Variants in NKX2-2 observed in about 807,000 individuals in gnomAD.
The protein encoded by NKX2-2 is homeobox protein Nkx-2.2.
A neutral mutation model predicts 24.6 loss-of-function variants in NKX2-2; 8 were observed. The observed-to-expected ratio is 0.32, with a 90% CI of 0.19 to 0.59. The LOEUF (loss-of-function observed/expected upper bound fraction) is 0.59, where lower values mean the gene tolerates loss of function less well. NKX2-2 is among the 20% of genes least tolerant of loss of function. The pLI is 0.86. For missense variants in NKX2-2, 381 were observed against 373.9 expected, an observed-to-expected ratio of 1.02 and a Z score of -0.16; for synonymous variants, 217 against 173.3, an observed-to-expected ratio of 1.25 and a Z score of -1.98.
At chr20:21,519,521 A>T in the NKX2-2 span, among the ~76,000 whole-genome samples, 1 of 152,088 alleles carries the variant, frequency 6.6e-6, no homozygotes, top group South Asian at 2.1e-4. Flanking sequence ...GGAAAATGTC[A>T]CCCAATCTGG....
intron 1 of NKX2-2, among the ~76,000 whole-genome samples, 173 bp from the exon 2 acceptor site, chr20:21,512,658 G>A (rs1026205447): frequency 2.0e-5 from 3 of 152,122 alleles, no homozygotes; most frequent in African/African-American, 7.2e-5. Context: ...CGAAGACGTC[G>A]GGACCTCCCA....
At chr20:21,522,364 G>T in the NKX2-2 span, among the ~76,000 whole-genome samples, 36 of 152,166 alleles carry the variant, frequency 2.4e-4, no homozygotes, top group African/African-American at 7.2e-4. Context: ...CTGGCAGGCC[G>T]CGGTGACCGT....
the NKX2-2 span, among the ~76,000 whole-genome samples, chr20:21,521,875 A>C: frequency 6.6e-6 from 1 of 151,280 alleles, no homozygotes; most frequent in African/African-American, 2.4e-5. Flanking sequence ...TTTATCTAGT[A>C]CTCCACCTAC....
chr20:21,514,869 G>T (rs1169296871), upstream of NKX2-2, among the ~76,000 whole-genome samples: 1 of 152,154 alleles, frequency 6.6e-6, no homozygotes, highest in Non-Finnish European at 1.5e-5. Context: ...AGAGAGCTCC[G>T]CTCCGGGCCG....
At chr20:21,518,056 C>T (rs963213161), upstream of NKX2-2, among the ~76,000 whole-genome samples, 5 of 152,210 alleles carry the variant, frequency 3.3e-5, no homozygotes, top group Non-Finnish European at 7.3e-5. Flanking sequence ...TCCGTTCCGT[C>T]AAGTTTGGGT....
upstream of NKX2-2, among the ~76,000 whole-genome samples, chr20:21,515,810 C>T (rs1201036743): frequency 1.3e-5 from 2 of 152,124 alleles, no homozygotes; most frequent in African/African-American, 2.4e-5. Flanking sequence ...CAGCGGACGC[C>T]GCCGCGCCCC....
At chr20:21,519,724 A>G in the NKX2-2 span, among the ~76,000 whole-genome samples, 2 of 152,230 alleles carry the variant, frequency 1.3e-5, no homozygotes. Flanking sequence ...GCTAACCAGA[A>G]AATGAAAATC....
the NKX2-2 span, among the ~76,000 whole-genome samples, chr20:21,519,179 A>G: frequency 6.6e-6 from 1 of 152,194 alleles, no homozygotes. Flanking sequence ...GGAAACACTA[A>G]TTTGTTTGAC....
chr20:21,516,331 C>T (rs1980637540), upstream of NKX2-2, among the ~76,000 whole-genome samples: 1 of 151,858 alleles, frequency 6.6e-6, no homozygotes, highest in South Asian at 2.1e-4. Flanking sequence ...CCCCTTTTTT[C>T]CCCTGGAAGA....
In NKX2-2 at chr20:21,513,487, C is replaced by T. The variant is rs779508806; in HGVS notation, c.183G>A (p.Leu61=). The part of the protein sequence containing the change: ...GALDAVQSLP[L]KNPFYDSSDN... ...CGCTGCTGTCGTAGAAGGGGTTCTT[C>T]AGGGGCAGGCTCTGCACCGCGTCCA... Residue 61 remains leucine (L), a synonymous_variant, in exon 1 of 2, where the codon CTG becomes CTA. Coordinates refer to ENST00000377142, the MANE Select transcript of NKX2-2 (RefSeq NM_002509.4). This position sits in a 1 kb window ranked among gnomAD's most constrained non-coding sequence, Gnocchi z 4.6. 5 of 1,611,760 alleles carry T rather than the reference C, an allele frequency of 3.1e-6. No individual in the cohort carries two copies. In the African/African-American group the frequency reaches 5.3e-5, roughly 17 times the overall value.
At chr20:21,514,606 C>T (rs1424395320), upstream of NKX2-2, among the ~76,000 whole-genome samples, 1 of 152,206 alleles carries the variant, frequency 6.6e-6, no homozygotes, top group East Asian at 1.9e-4. Context: ...CCCCGCGCGC[C>T]CACCCCCGGC....
rs759532484 is a variant in NKX2-2 at position 21,512,012 on chromosome 20, T to C, written c.733A>G (p.Met245Val). 5.6e-6 allele frequency: 9 copies of C among 1,613,478 alleles called. No individual in the cohort carries two copies. The South Asian group carries it at 8.8e-5, about 16-fold the overall frequency. The change falls in exon 2 of 2, where the codon ATG (methionine) becomes GTG (valine). Residue 245 changes from methionine (M) to valine (V), a missense_variant. Met to Val is a conservative substitution (Grantham distance 21). This residue lies in a region of NKX2-2 where 139 missense variants were observed against 121.7 expected (regional missense o/e 1.14). Coordinates refer to ENST00000377142, the MANE Select transcript of NKX2-2 (RefSeq NM_002509.4). ...GAGCTGTACTGGGCGTTGTACTGCA[T>C]GTGCTGCAGCGACTGCGCGCTGTAG... Reference protein sequence around the residue: ...SAYSAQSLQHMQYNAQYSSAS... With the variant: ...SAYSAQSLQHVQYNAQYSSAS...
upstream of NKX2-2, among the ~76,000 whole-genome samples, chr20:21,517,146 C>A (rs959589776): frequency 1.3e-5 from 2 of 152,186 alleles, no homozygotes; most frequent in African/African-American, 4.8e-5. Context: ...GTCGGGTTTG[C>A]CTTTGCGCCT....
the NKX2-2 span, among the ~76,000 whole-genome samples, chr20:21,521,422 C>T: frequency 6.6e-6 from 1 of 152,152 alleles, no homozygotes; most frequent in Non-Finnish European, 1.5e-5. Flanking sequence ...CGGCGCCGGG[C>T]GCGGCCCAGG....
intron 1 of NKX2-2, among the ~76,000 whole-genome samples, 178 bp from the exon 2 acceptor site, chr20:21,512,663 C>T (rs569440694): frequency 5.9e-5 from 9 of 152,278 alleles, no homozygotes; most frequent in Non-Finnish European, 7.3e-5. Context: ...ACGTCGGGAC[C>T]TCCCAGGGTA....
chr20:21,522,430 G>A, the NKX2-2 span, among the ~76,000 whole-genome samples: 1 of 152,112 alleles, frequency 6.6e-6, no homozygotes, highest in Admixed American at 6.5e-5. Context: ...GACAGTCAGC[G>A]CCTGGCAGCG....
Position 21,512,417 on chromosome 20 carries a change from C to T in NKX2-2, c.328G>A (p.Glu110Lys), listed in dbSNP as rs763362527. The T allele has an allele frequency of 1.0e-5, 16 of 1,595,110 alleles. No individual in the cohort carries two copies. The highest frequency in any genetic ancestry group is 2.7e-5 in the African/African-American group (2 of 74,846). Residue 110 changes from glutamate to lysine, a missense_variant, in exon 2 of 2, where the codon GAG (glutamate) becomes AAG (lysine). This residue lies in a region of NKX2-2 where 206 missense variants were observed against 173.1 expected (regional missense o/e 1.19). Coordinates refer to ENST00000377142, the MANE Select transcript of NKX2-2 (RefSeq NM_002509.4). ...SSKSPEPSAD[E>K]SPDNDKETPG... ...GTCTCCTTGTCATTGTCCGGTGACTCGTCGGCCGAGGGCTCCGGGGACTTG... is the reference window on the plus strand; with the variant it reads ...GTCTCCTTGTCATTGTCCGGTGACTTGTCGGCCGAGGGCTCCGGGGACTTG...
rs1173702845 is a variant in NKX2-2, at chr20:21,511,698, G to A, written c.*225C>T. 2.3e-6 allele frequency: 1 copy of A among 427,584 alleles called. No homozygotes were observed. Among genetic ancestry groups the A allele is most frequent in the African/African-American group, 2.0e-5 (1 of 48,964 alleles). The allele number at this position is 427,584 out of a possible 1,614,324, so 26.5% of individuals were successfully genotyped here. ...GCGTAGAGTTCAGCCCTCTCCCAAG[G>A]TTCAGAAGGAGAGGCATGGGCAGAG... On this transcript the variant is annotated 3_prime_UTR_variant, in exon 2 of 2. Coordinates refer to ENST00000377142, the MANE Select transcript of NKX2-2 (RefSeq NM_002509.4).
upstream of NKX2-2, among the ~76,000 whole-genome samples, chr20:21,515,604 G>GT (rs1568638947): frequency 2.6e-5 from 4 of 151,866 alleles, no homozygotes; most frequent in African/African-American, 9.7e-5. Flanking sequence ...TTTTGGGGGG[G>GT]GGGTGCAGGG....
Sources: allele counts gnomAD v4.1 joint callset (sites outside exome capture counted in the v4.1 genomes callset), GRCh38; gene constraint gnomAD v4.1.1; regional missense constraint gnomAD v4.1.1; non-coding constraint Gnocchi (gnomAD v3.1); transcripts MANE v1.5; gene names NCBI Gene and HGNC (gene_info 2026-07-23, HGNC 2026-07-21).